Variants in ZNF582 observed in about 807,000 individuals in gnomAD.
The protein encoded by ZNF582 is zinc finger protein 582.
ZNF582 carries 14 observed loss-of-function variants against 12.3 expected under a neutral mutation model. The observed-to-expected ratio is 1.14, with a 90% confidence interval of 0.75 to 1.78. The LOEUF is 1.78. Ranked by LOEUF, ZNF582 falls within the 40% of genes most tolerant of loss-of-function variation. The pLI, the probability that ZNF582 is intolerant of heterozygous loss-of-function variation, is 0.00. For synonymous variants in ZNF582, 210 were observed against 207.2 expected (o/e 1.01, Z -0.11); for missense variants, 567 against 616.5 (o/e 0.92, Z 0.85).
intron 4 of ZNF582, among the ~76,000 whole-genome samples, 175 bp downstream of exon 4, chr19:56,389,826 G>A (rs2042000138): frequency 6.6e-6 from 1 of 152,054 alleles, no homozygotes; most frequent in Non-Finnish European, 1.5e-5. Context: ...AAGTGTTTCA[G>A]GAGGAAGGAG....
At chr19:56,390,174 C>CG (rs2042003290) in intron 3 of ZNF582, 78 bp from the exon 4 acceptor site, 2 of 1,413,064 alleles carry the variant, frequency 1.4e-6, no homozygotes, top group Admixed American at 3.6e-5. Flanking sequence ...GGTCATCAAG[C>CG]AGGAGAGGCA....
intron 3 of ZNF582, 60 bp from the exon 4 acceptor site, chr19:56,390,156 C>A: frequency 6.7e-7 from 1 of 1,502,584 alleles, no homozygotes; most frequent in South Asian, 1.1e-5. Flanking sequence ...AATTCAGATC[C>A]AGGACCTGGT....
intron 4 of ZNF582, among the ~76,000 whole-genome samples, chr19:56,388,639 T>G (rs1473644725): frequency 1.3e-5 from 2 of 152,168 alleles, no homozygotes; most frequent in South Asian, 4.1e-4. Context: ...GCGTATCTTT[T>G]TTTTTCTTTT....
intron 2 of ZNF582, 72 bp from the exon 3 acceptor site, chr19:56,390,573 G>A: frequency 1.9e-6 from 3 of 1,564,266 alleles, no homozygotes; most frequent in Non-Finnish European, 2.6e-6. Context: ...GATGGGGCAG[G>A]TCTTTGCGGG....
chr19:56,383,791 G>A (rs2041937852), exon 5 of ZNF582: 1 of 1,468,940 alleles, frequency 6.8e-7, no homozygotes, highest in Non-Finnish European at 9.0e-7. Flanking sequence ...TCTGAATGAA[G>A]GCATTGTCAC....
chr19:56,390,791 C>G (rs974980778), intron 2 of ZNF582, among the ~76,000 whole-genome samples: 2 of 152,206 alleles, frequency 1.3e-5, no homozygotes, highest in Non-Finnish European at 2.9e-5. Context: ...TAATAAAGCA[C>G]ACTGCCCACT....
chr19:56,384,318 AGG>A lies in ZNF582; in HGVS notation c.1097_1098del (p.Pro366LeufsTer2), dbSNP rs766765614. On this transcript the variant is annotated frameshift_variant, in exon 5 of 5. Coordinates refer to ENST00000586929, the Ensembl canonical transcript of ZNF582. LOFTEE classifies it low-confidence loss of function (END_TRUNC). Reference sequence around the variant, plus strand: ...GCCTTTCCACATACTTTGCACTCATAGGGTTTCTCACCGGTATGAATTCTCTG... The same window carrying A: ...GCCTTTCCACATACTTTGCACTCATAGTTTCTCACCGGTATGAATTCTCTG... The A allele has an allele frequency of 2.3e-5, 37 of 1,613,978 alleles. No homozygotes were observed. Among genetic ancestry groups the A allele is most frequent in the Non-Finnish European group, 3.1e-5 (37 of 1,179,978 alleles).
At chr19:56,383,894 T>C in exon 5 of ZNF582, 1 of 1,594,840 alleles carries the variant, frequency 6.3e-7, no homozygotes, top group Non-Finnish European at 8.5e-7. Context: ...ATTACTTCCA[T>C]TCATATGGTT....
rs1238870801 is a variant in ZNF582, at chr19:56,391,669, CA to C, written c.9+74del. 9 of 1,429,154 alleles carry C rather than the reference CA, an allele frequency of 6.3e-6. No individual in the cohort carries two copies. The Admixed American group carries it at 1.4e-4, about 22-fold the overall frequency. The allele number at this position is 1,429,154 out of a possible 1,614,324, so 88.5% of individuals were successfully genotyped here. On this transcript the variant is annotated intron_variant, in intron 2 of 4. Coordinates refer to ENST00000586929, the Ensembl canonical transcript of ZNF582. ...CCCTAAAATGGGAAAGTCTGAGAAC[CA>C]AATTTCTGGATGGAACCCAGGTGGA...
exon 5 of ZNF582, chr19:56,384,395 C>G: frequency 6.2e-7 from 1 of 1,605,098 alleles, no homozygotes; most frequent in South Asian, 1.1e-5. Flanking sequence ...ACATTCCTTA[C>G]ATTCATAGAG....
intron 2 of ZNF582, among the ~76,000 whole-genome samples, 180 bp downstream of exon 2, chr19:56,391,564 G>C (rs8113588): frequency 0.015 from 2,360 of 152,318 alleles, 27 homozygotes; most frequent in African/African-American, 0.033. Flanking sequence ...GATGCAGAAT[G>C]CTATAGAGAA....
Position 56,391,791 on chromosome 19 carries a change from G to A in ZNF582, c.-39C>T. ...TCAAGGGCTGATAGGTCCTCCTTCT[G>A]GTTCCTCTCTTGGGGAAGGGCAGAG... On this transcript the variant is annotated 5_prime_UTR_variant, in exon 2 of 5. It introduces an in-frame stop codon into an upstream open reading frame of the 5' UTR. Transcript: ENST00000586929. The A allele has an allele frequency of 6.2e-7, 1 of 1,614,196 alleles. No homozygotes were observed. The highest frequency in any genetic ancestry group is 2.2e-5 in the East Asian group (1 of 44,880).
At chr19:56,390,327 G>C (rs929454768) in intron 3 of ZNF582, 48 bp downstream of exon 3, 1 of 1,612,634 alleles carries the variant, frequency 6.2e-7, no homozygotes, top group African/African-American at 1.3e-5. Flanking sequence ...GACCAGGAAG[G>C]AACATGCCCA....
chr19:56,388,244 T>C (rs1436688329), intron 4 of ZNF582: 1 of 152,076 alleles, frequency 6.6e-6, no homozygotes, highest in Non-Finnish European at 1.5e-5. Flanking sequence ...TGATAATGGG[T>C]AATAATCTGT....
At chr19:56,393,285 C>T in exon 1 of ZNF582, 2 of 1,240,624 alleles carry the variant, frequency 1.6e-6, no homozygotes, top group Non-Finnish European at 2.1e-6. Context: ...AAGCGCACGC[C>T]GCGAGGGCCG....
chr19:56,385,103 A>G (rs1226041183), exon 5 of ZNF582: 1 of 1,613,944 alleles, frequency 6.2e-7, no homozygotes, highest in South Asian at 1.1e-5. Flanking sequence ...AAGGCTTTCC[A>G]TTATCTCCCA....
At position 56,388,793 on chromosome 19, in the gene ZNF582, C is replaced by T. The variant is rs189028876; in HGVS notation, c.232+1208G>A. On this transcript the variant is annotated intron_variant, in intron 4 of 4. Coordinates refer to ENST00000586929, the Ensembl canonical transcript of ZNF582. ...GATTATAGGCACGTGCCACCACACC[C>T]GGCTAATTTTTGTGATTTTAGTCGG... Among the ~76,000 whole-genome samples the T allele has an allele frequency of 4.9e-3, 741 of 152,226 alleles. 4 individuals carry two copies. The highest frequency in any genetic ancestry group is 0.01 in the Middle Eastern group (3 of 294).
chr19:56,391,540 G>A (rs1165029869), intron 2 of ZNF582, among the ~76,000 whole-genome samples: 2 of 152,178 alleles, frequency 1.3e-5, no homozygotes, highest in African/African-American at 2.4e-5. Flanking sequence ...CCTAGCAGAC[G>A]AAAACCATCA....
chr19:56,385,870 T>C (rs943770442), intron 4 of ZNF582, among the ~76,000 whole-genome samples: 27 of 152,204 alleles, frequency 1.8e-4, no homozygotes, highest in African/African-American at 6.5e-4. Flanking sequence ...GCTATCTTGA[T>C]TGAGGTGATG....
Sources: gnomAD v4.1 joint callset for allele counts (sites outside exome capture counted in the v4.1 genomes callset) on GRCh38, gnomAD v4.1.1 for gene constraint, MANE v1.5 for transcripts, NCBI Gene and HGNC (gene_info 2026-07-23, HGNC 2026-07-21) for gene names.